EVI2A: variants seen among roughly 807,000 people sequenced by gnomAD.
EVI2A encodes the protein ecotropic viral integration site 2A, also known as protein EVI2A.
In EVI2A, 11 loss-of-function variants were observed where a neutral mutation model predicts 13.0. The ratio of observed to expected loss-of-function variants is 0.85; its 90% CI spans 0.53 to 1.40. The LOEUF (loss-of-function observed/expected upper bound fraction) is 1.40. Among genes scored for constraint, EVI2A ranks in the 40% most tolerant of loss-of-function variants. The probability of loss-of-function intolerance (pLI) is 0.00; values close to 1 mark genes in which losing one functional copy is unlikely to be tolerated. For synonymous variants in EVI2A, 89 were observed against 98.0 expected (o/e 0.91, Z 0.54); for missense variants, 267 against 279.5 (o/e 0.96, Z 0.32).
rs9915421 is a variant in EVI2A, at chr17:31,317,457, A to C, written c.*846T>G. On this transcript the variant is annotated 3_prime_UTR_variant, in exon 2 of 2. Coordinates refer to ENST00000462804, the MANE Select transcript of EVI2A (RefSeq NM_014210.4). ...ATCCTTGAAGTCCAAAAATTAATCA[A>C]CCTTTGGTACTTGTTGTTAATGTTC... 5 of 151,686 alleles carry C rather than the reference A, an allele frequency of 3.3e-5. No individual in the cohort carries two copies. Among genetic ancestry groups the C allele is most frequent in the Admixed American group, 6.6e-5 (1 of 15,186 alleles). 9.4% of individuals were successfully genotyped at this position (151,686 alleles called of 1,614,324 possible).
In EVI2A at chr17:31,318,325, A is replaced by G. The variant is rs2069078635; in HGVS notation, c.689T>C (p.Leu230Pro). 1.2e-6 allele frequency: 2 copies of G among 1,609,130 alleles called. No homozygotes were observed. The highest frequency in any genetic ancestry group is 1.7e-6 in the Non-Finnish European group (2 of 1,178,606). The change falls in exon 2 of 2, where the codon CTT becomes CCT. Residue 230 changes from leucine to proline, a missense_variant. Transcript: ENST00000462804. ...TCACTAACCTATCTGTTTGTTAGTA[A>G]GTTTTTCAGTTCCTTCTTCATCTTT... ...ERKDEEGTEK[L>P]TNKQIG
intron 1 of EVI2A, 92 bp from the exon 2 acceptor site, chr17:31,319,115 A>G: frequency 5.3e-6 from 7 of 1,327,918 alleles, no homozygotes; most frequent in Non-Finnish European, 7.2e-6. Flanking sequence ...TTGAGATGTT[A>G]CAAGTAAACT....
In EVI2A at chr17:31,318,390, C is replaced by G. The variant is rs2069082223; in HGVS notation, c.624G>C (p.Val208=). 2 of 1,613,870 alleles carry G rather than the reference C, an allele frequency of 1.2e-6. No individual in the cohort carries two copies. Among genetic ancestry groups the G allele is most frequent in the Non-Finnish European group, 1.7e-6 (2 of 1,180,006 alleles). ...CTGTGAGCACTCCAGTAGATTGCAT[C>G]ACTAGGTTGGGTCCTGTGAGCTGTT... The part of the protein sequence containing the change: ...RTKQLTGPNL[V]MQSTGVLTAT... The change falls in exon 2 of 2, where the codon GTG becomes GTC. Residue 208 remains valine (V), a synonymous_variant. Coordinates refer to ENST00000462804, the MANE Select transcript of EVI2A (RefSeq NM_014210.4).
chr17:31,318,551 A>G lies in EVI2A; in HGVS notation c.463T>C (p.Ser155Pro). 6.2e-7 allele frequency: 1 copy of G among 1,614,124 alleles called. No individual in the cohort carries two copies. The highest frequency in any genetic ancestry group is 1.1e-5 in the South Asian group (1 of 91,082). The change falls in exon 2 of 2, where the codon TCA becomes CCA. Residue 155 changes from serine to proline, a missense_variant. Physicochemically the swap from Ser to Pro is moderately conservative, Grantham distance 74. Transcript: ENST00000462804. ...ACTTTGTTTGCCAAAACCACAGTTG[A>G]TAGAAATAGAAAGGTACAGATAAGA... is the stretch of plus-strand genomic sequence containing the variant. Reference protein sequence around the residue: ...LFLICTFLFLSTVVLANKVSS... With the variant: ...LFLICTFLFLPTVVLANKVSS...
intron 1 of EVI2A, among the ~76,000 whole-genome samples, 172 bp downstream of exon 1, chr17:31,321,323 T>C (rs1445772541): frequency 6.6e-6 from 1 of 152,188 alleles, no homozygotes; most frequent in African/African-American, 2.4e-5. Context: ...AATTTTTTCA[T>C]TTCTAACTTA....
chr17:31,319,112 G>T, intron 1 of EVI2A, 89 bp from the exon 2 acceptor site: 1 of 1,361,160 alleles, frequency 7.3e-7, no homozygotes, highest in Non-Finnish European at 9.9e-7. Context: ...GTGTTGAGAT[G>T]TTACAAGTAA....
chr17:31,319,151 C>T (rs1260406933), intron 1 of EVI2A, 128 bp from the exon 2 acceptor site: 21 of 937,418 alleles, frequency 2.2e-5, no homozygotes, highest in Non-Finnish European at 3.3e-5. Flanking sequence ...ATATTCGCTA[C>T]CCTGAATTCC....
intron 1 of EVI2A, among the ~76,000 whole-genome samples, chr17:31,320,678 C>A (rs985120903): frequency 6.6e-6 from 1 of 152,026 alleles, no homozygotes; most frequent in African/African-American, 2.4e-5. Flanking sequence ...TAGATTATGA[C>A]CTTTAGTAGA....
intron 1 of EVI2A, among the ~76,000 whole-genome samples, chr17:31,319,535 A>G (rs2069122976): frequency 6.6e-6 from 1 of 152,162 alleles, no homozygotes; most frequent in South Asian, 2.1e-4. Context: ...AGCAACCAAA[A>G]GAAACTGAAC....
At chr17:31,320,579 T>C (rs974070630) in intron 1 of EVI2A, 13 of 626,858 alleles carry the variant, frequency 2.1e-5, no homozygotes, top group Non-Finnish European at 3.3e-5. Flanking sequence ...AAAAGTAGCA[T>C]GTAATAAACA....
intron 1 of EVI2A, among the ~76,000 whole-genome samples, chr17:31,319,463 G>T (rs1851475774): frequency 6.6e-6 from 1 of 151,980 alleles, no homozygotes; most frequent in Admixed American, 6.6e-5. Context: ...GTGGCCTTGA[G>T]CTTCTTGCTT....
chr17:31,318,423 T>A lies in EVI2A; in HGVS notation c.591A>T (p.Lys197Asn). Residue 197 changes from lysine (K) to asparagine (N), a missense_variant, in exon 2 of 2, where the codon AAA becomes AAT. Transcript: ENST00000462804. ...TGGGTCCTGTGAGCTGTTTTGTTCT[T>A]TTCCAAGTGTCTGATTCAGCGGGCC... ...GLWPAESDTW[K>N]RTKQLTGPNL... is the part of the protein sequence containing the mutation. 1 of 1,614,020 alleles carries A rather than the reference T, an allele frequency of 6.2e-7. No homozygotes were observed. The highest frequency in any genetic ancestry group is 8.5e-7 in the Non-Finnish European group (1 of 1,179,992).
rs901577576 is a variant in EVI2A at position 31,316,858 on chromosome 17, AT to A, written c.*1444del. On this transcript the variant is annotated 3_prime_UTR_variant, in exon 2 of 2. Coordinates refer to ENST00000462804, the MANE Select transcript of EVI2A (RefSeq NM_014210.4). Reference sequence around the variant, plus strand: ...AAATTGATAATAAAAATGATGCTTTATTTTTTTCCTCTCATTTTAATAATAG... The same window carrying A: ...AAATTGATAATAAAAATGATGCTTTATTTTTTCCTCTCATTTTAATAATAG... 6.6e-6 allele frequency among the ~76,000 whole-genome samples: 1 copy of A among 152,034 alleles called. No individual in the cohort carries two copies. Among genetic ancestry groups the A allele is most frequent in the Admixed American group, 6.6e-5 (1 of 15,254 alleles).
Position 31,317,454 on chromosome 17 carries a change from T to A in EVI2A, c.*849A>T, listed in dbSNP as rs964322622. 7.9e-5 allele frequency: 12 copies of A among 151,562 alleles called. No homozygotes were observed. Among genetic ancestry groups the A allele is most frequent in the African/African-American group, 2.9e-4 (12 of 41,236 alleles). 9.4% of individuals were successfully genotyped at this position (151,562 alleles called of 1,614,324 possible). A position where few individuals can be genotyped will look rare whatever the true frequency, so the allele number is the denominator to read the frequency against. On this transcript the variant is annotated 3_prime_UTR_variant, in exon 2 of 2. Transcript: ENST00000462804. Reference sequence around the variant, plus strand: ...GGCATCCTTGAAGTCCAAAAATTAATCAACCTTTGGTACTTGTTGTTAATG... The same window carrying A: ...GGCATCCTTGAAGTCCAAAAATTAAACAACCTTTGGTACTTGTTGTTAATG...
chr17:31,319,755 G>GA (rs71142045), intron 1 of EVI2A, among the ~76,000 whole-genome samples: 325 of 117,822 alleles, frequency 2.8e-3, no homozygotes, highest in African/African-American at 9.4e-3. Flanking sequence ...AAAATCTGAA[G>GA]AAAAAAAAAA....
chr17:31,321,314 A>T (rs1304830324), intron 1 of EVI2A, among the ~76,000 whole-genome samples, 181 bp downstream of exon 1: 1 of 152,104 alleles, frequency 6.6e-6, no homozygotes, highest in East Asian at 1.9e-4. Context: ...GCGATGGCAA[A>T]TTTTTTCATT....
rs145171817 is a variant in EVI2A at position 31,318,714 on chromosome 17, G to A, written c.300C>T (p.Val100=). Residue 100 remains valine, a synonymous_variant, in exon 2 of 2, where the codon GTC becomes GTT. Coordinates refer to ENST00000462804, the MANE Select transcript of EVI2A (RefSeq NM_014210.4). ...SEQELYIPSV[V]SNSPSTVQSI... ...TCTGTACTGTTGAAGGACTGTTGCTGACGACAGAAGGTATATAAAGCTCCT... is the reference window on the plus strand; with the variant it reads ...TCTGTACTGTTGAAGGACTGTTGCTAACGACAGAAGGTATATAAAGCTCCT... 3 of 1,614,106 alleles carry A rather than the reference G, an allele frequency of 1.9e-6. No individual in the cohort carries two copies. The highest frequency in any genetic ancestry group is 3.3e-5 in the Admixed American group (2 of 60,004).
Position 31,318,476 on chromosome 17 carries a change from T to C in EVI2A, c.538A>G (p.Asn180Asp). ...KQVGKRQPRS[N>D]GDFLASGLWP... ...AGACCGCTTGCCAGAAAATCGCCAT[T>C]GCTTCTAGGCTGACGCTTGCCTACT... The change falls in exon 2 of 2, where the codon AAT becomes GAT. Residue 180 changes from asparagine (N) to aspartate (D), a missense_variant. Transcript: ENST00000462804. 3.1e-6 allele frequency: 5 copies of C among 1,614,036 alleles called. No individual in the cohort carries two copies. The highest frequency in any genetic ancestry group is 4.2e-6 in the Non-Finnish European group (5 of 1,180,010).
Position 31,318,871 on chromosome 17 carries a change from T to C in EVI2A, c.143A>G (p.Gln48Arg). Reference protein sequence around the residue: ...NSTSSWDSVIQNKTGRNQNEN... With the variant: ...NSTSSWDSVIRNKTGRNQNEN... ...ATTTTGGTTTCTGCCTGTCTTGTTT[T>C]GAATAACTGAATCCCAGGAAGAAGT... Residue 48 changes from glutamine (Q) to arginine (R), a missense_variant, in exon 2 of 2, where the codon CAA (glutamine) becomes CGA (arginine). Transcript: ENST00000462804. 28 of 1,614,090 alleles carry C rather than the reference T, an allele frequency of 1.7e-5. No homozygotes were observed. Among genetic ancestry groups the C allele is most frequent in the Non-Finnish European group, 2.3e-5 (27 of 1,179,958 alleles).
Sources: allele counts gnomAD v4.1 joint callset (sites outside exome capture counted in the v4.1 genomes callset), GRCh38; gene constraint gnomAD v4.1.1; transcripts MANE v1.5; gene names NCBI Gene and HGNC (gene_info 2026-07-23, HGNC 2026-07-21).